The following FGF12 variants were observed in gnomAD, a reference collection of about 807,000 sequenced individuals.
FGF12 encodes the protein fibroblast growth factor 12B.
FGF12 carries 14 observed loss-of-function variants against 23.6 expected under a neutral mutation model. That is an observed-to-expected ratio of 0.59 (90% confidence interval 0.39 to 0.93). The LOEUF is 0.93. Ranked by LOEUF, FGF12 falls within the 40% of genes least tolerant of loss-of-function variation. FGF12 has a pLI of 0.00. For missense variants in FGF12, 175 were observed against 217.8 expected (o/e 0.80, Z 1.24); for synonymous variants, 62 against 77.3 (o/e 0.80, Z 1.04).
chr3:192,390,978 G>A (rs1238121394), intron 2 of FGF12, among the ~76,000 whole-genome samples: 1 of 152,180 alleles, frequency 6.6e-6, no homozygotes, highest in East Asian at 1.9e-4. Flanking sequence ...CTACCAGGAG[G>A]TATCTAGCAC....
At chr3:192,364,117 G>A (rs370275191) in intron 2 of FGF12, among the ~76,000 whole-genome samples, 10 of 152,240 alleles carry the variant, frequency 6.6e-5, no homozygotes, top group African/African-American at 2.2e-4. Flanking sequence ...CAGAGAAAGG[G>A]CATTCCACAC....
intron 2 of FGF12, among the ~76,000 whole-genome samples, chr3:192,617,326 G>A (rs1291006469): frequency 2.6e-5 from 4 of 152,022 alleles, no homozygotes; most frequent in Non-Finnish European, 5.9e-5. Context: ...AGGAAAGTGG[G>A]GGAGGTGGGA....
chr3:192,183,439 AT>A (rs1227860951), intron 4 of FGF12, among the ~76,000 whole-genome samples: 4 of 152,326 alleles, frequency 2.6e-5, no homozygotes, highest in Non-Finnish European at 5.9e-5. Context: ...TTTGAAAAAA[AT>A]CTTTGCTGCA....
At chr3:192,550,933 G>A (rs1468158488) in intron 2 of FGF12, among the ~76,000 whole-genome samples, 2 of 152,070 alleles carry the variant, frequency 1.3e-5, no homozygotes, top group African/African-American at 2.4e-5. Flanking sequence ...TCCCTGGAAC[G>A]CATGTAACTG....
At chr3:192,200,225 A>C (rs1279579743) in intron 4 of FGF12, among the ~76,000 whole-genome samples, 10 of 151,866 alleles carry the variant, frequency 6.6e-5, no homozygotes, top group African/African-American at 2.4e-4. Flanking sequence ...GCTACTCCGG[A>C]GGCTGAGTCA....
chr3:192,205,439 G>A (rs1476373727), intron 4 of FGF12, among the ~76,000 whole-genome samples: 3 of 152,146 alleles, frequency 2.0e-5, no homozygotes, highest in Admixed American at 2.0e-4. Context: ...CGTTCCTGAG[G>A]ACAATCAATT....
At chr3:192,669,086 T>G (rs1468934575) in intron 2 of FGF12, among the ~76,000 whole-genome samples, 1 of 152,138 alleles carries the variant, frequency 6.6e-6, no homozygotes, top group Non-Finnish European at 1.5e-5. Context: ...GATAAGATTT[T>G]TAAAAATAAA....
chr3:192,556,963 T>A (rs1175940627), intron 2 of FGF12, among the ~76,000 whole-genome samples: 2 of 150,364 alleles, frequency 1.3e-5, no homozygotes, highest in Non-Finnish European at 3.0e-5. Context: ...AACGAATGAG[T>A]CAAAGAAAAA....
intron 4 of FGF12, among the ~76,000 whole-genome samples, chr3:192,251,253 G>A (rs184820003): frequency 1.3e-5 from 2 of 152,262 alleles, no homozygotes; most frequent in Non-Finnish European, 2.9e-5. Flanking sequence ...AGCAGGGAGT[G>A]CGCCATGAAA....
rs199557918 is a variant in FGF12 at position 192,354,435 on chromosome 3, T to TA, written c.124+5992dup. On this transcript the variant is annotated intron_variant, in intron 3 of 5. Transcript: ENST00000445105. ...TGACGGCAGAAAAGCACATTTAAAATAAACAAAAAAGAATAAAGCATGGCA... is the reference window on the plus strand; with the variant it reads ...TGACGGCAGAAAAGCACATTTAAAATAAAACAAAAAAGAATAAAGCATGGCA... Among the ~76,000 whole-genome samples, 1,404 of 146,298 alleles carry TA rather than the reference T, an allele frequency of 9.6e-3. 16 individuals are homozygous for TA. Among genetic ancestry groups the TA allele is most frequent in the African/African-American group, 0.034 (1,336 of 39,084 alleles).
At chr3:192,658,235 T>C (rs1716519793) in intron 2 of FGF12, among the ~76,000 whole-genome samples, 1 of 152,232 alleles carries the variant, frequency 6.6e-6, no homozygotes, top group Admixed American at 6.5e-5. Context: ...ACAAACAAAA[T>C]AGGTGGTAAA....
At chr3:192,247,120 TC>T (rs1218444704) in intron 4 of FGF12, among the ~76,000 whole-genome samples, 2 of 150,990 alleles carry the variant, frequency 1.3e-5, no homozygotes, top group African/African-American at 2.4e-5. Context: ...AAAGCAACTC[TC>T]AGGAAACAAA....
chr3:192,726,847 A>T, intron 2 of FGF12: 1 of 356,342 alleles, frequency 2.8e-6, no homozygotes. Context: ...GATTTATTTG[A>T]GTCCATCCAT....
At chr3:192,334,407 C>T (rs557425329) in intron 4 of FGF12, among the ~76,000 whole-genome samples, 2 of 152,106 alleles carry the variant, frequency 1.3e-5, no homozygotes, top group African/African-American at 2.4e-5. Flanking sequence ...CCAAAATAAC[C>T]TTGTGCTATT....
intron 5 of FGF12, among the ~76,000 whole-genome samples, chr3:192,168,547 A>C (rs1048622684): frequency 6.6e-6 from 1 of 152,184 alleles, no homozygotes; most frequent in African/African-American, 2.4e-5. Flanking sequence ...TATAAATCCT[A>C]TATATTGCAT....
chr3:192,614,663 T>C (rs1714681593), intron 2 of FGF12, among the ~76,000 whole-genome samples: 2 of 152,000 alleles, frequency 1.3e-5, no homozygotes, highest in African/African-American at 4.8e-5. Flanking sequence ...GAGACTACAT[T>C]TTAAAAGGAA....
intron 4 of FGF12, among the ~76,000 whole-genome samples, chr3:192,310,444 A>G (rs780106480): frequency 7.2e-5 from 11 of 152,202 alleles, no homozygotes; most frequent in Non-Finnish European, 1.0e-4. Context: ...TAAAATATTT[A>G]TACTTAAAAC....
At chr3:192,249,120 A>G (rs1014196171) in intron 4 of FGF12, among the ~76,000 whole-genome samples, 1 of 152,144 alleles carries the variant, frequency 6.6e-6, no homozygotes, top group African/African-American at 2.4e-5. Flanking sequence ...AGCCCACTGT[A>G]CTATTATAAT....
chr3:192,662,130 A>C (rs1033663637), intron 2 of FGF12, among the ~76,000 whole-genome samples: 3 of 152,224 alleles, frequency 2.0e-5, no homozygotes, highest in African/African-American at 7.2e-5. Context: ...AAGAAAAGGA[A>C]AGGTAAGAGA....
Sources: gnomAD v4.1 joint callset for allele counts (sites outside exome capture counted in the v4.1 genomes callset) on GRCh38, gnomAD v4.1.1 for gene constraint, MANE v1.5 for transcripts, NCBI Gene and HGNC (gene_info 2026-07-23, HGNC 2026-07-21) for gene names.